FHIT: variants seen among roughly 807,000 people sequenced by gnomAD.
The protein encoded by FHIT is fragile histidine triad diadenosine triphosphatase.
In FHIT, 19 loss-of-function variants were observed where a neutral mutation model predicts 17.9. The ratio of observed to expected loss-of-function variants is 1.06; its 90% CI spans 0.74 to 1.56. The LOEUF is 1.56. FHIT is among the 40% of genes most tolerant of loss of function. The probability of loss-of-function intolerance (pLI) is 0.00; values close to 1 mark genes in which losing one functional copy is unlikely to be tolerated. For synonymous variants in FHIT, 81 were observed against 69.7 expected (o/e 1.16, Z -0.81); for missense variants, 248 against 189.2 (o/e 1.31, Z -1.82).
intron 5 of FHIT, among the ~76,000 whole-genome samples, chr3:60,146,317 T>C (rs1183066366): frequency 6.6e-6 from 1 of 151,512 alleles, no homozygotes; most frequent in East Asian, 1.9e-4. Flanking sequence ...CAACACGCTG[T>C]CAACCAGCTC....
At chr3:60,048,302 G>A (rs1032980902) in intron 5 of FHIT, among the ~76,000 whole-genome samples, 1 of 151,958 alleles carries the variant, frequency 6.6e-6, no homozygotes, top group Non-Finnish European at 1.5e-5. Context: ...TCAGCCTCCC[G>A]AGTAGCTGGG....
intron 5 of FHIT, among the ~76,000 whole-genome samples, chr3:60,123,999 TATATATATATAGAGAGAGAG>T (rs1705397007): frequency 1.3e-4 from 4 of 30,918 alleles, no homozygotes; most frequent in South Asian, 2.8e-3. Flanking sequence ...TATATATATA[TATATATATATAGAGAGAGAG>T]AGAGAGAGAG....
chr3:59,893,270 G>A lies in FHIT; in HGVS notation c.348+29076C>T, dbSNP rs556548396. Among the ~76,000 whole-genome samples the A allele has an allele frequency of 3.9e-5, 6 of 152,320 alleles. No individual in the cohort carries two copies. In the South Asian group the frequency reaches 1.2e-3, roughly 32 times the overall value. ...CAGCTTCAAGGTGTCAACTGGTGTTGCATCCCAGGCCCCATCTACCAGTAG... is the reference window on the plus strand; with the variant it reads ...CAGCTTCAAGGTGTCAACTGGTGTTACATCCCAGGCCCCATCTACCAGTAG... On this transcript the variant is annotated intron_variant, in intron 8 of 9. Coordinates refer to ENST00000492590, the MANE Select transcript of FHIT (RefSeq NM_002012.4).
At chr3:60,721,932 C>G (rs1421633020) in intron 4 of FHIT, among the ~76,000 whole-genome samples, 1 of 152,054 alleles carries the variant, frequency 6.6e-6, no homozygotes, top group Non-Finnish European at 1.5e-5. Flanking sequence ...CTTAATAGTT[C>G]AAATTAATTC....
chr3:60,130,789 G>GTGTGTGTGTGTGTA (rs1559660689), intron 5 of FHIT, among the ~76,000 whole-genome samples: 2 of 135,996 alleles, frequency 1.5e-5, no homozygotes, highest in Non-Finnish European at 3.3e-5. Context: ...TGTGTGGTGT[G>GTGTGTGTGTGTGTA]TATATACACA....
chr3:60,773,089 C>T (rs1553723584), intron 4 of FHIT, among the ~76,000 whole-genome samples: 1 of 152,162 alleles, frequency 6.6e-6, no homozygotes, highest in Non-Finnish European at 1.5e-5. Context: ...TCTTTCTTTA[C>T]TGCAATTCCA....
At chr3:60,421,017 A>G (rs1014485137) in intron 5 of FHIT, among the ~76,000 whole-genome samples, 6 of 142,622 alleles carry the variant, frequency 4.2e-5, no homozygotes, top group Admixed American at 2.2e-4. Context: ...AAGAACTAAG[A>G]TTTCTCCCAC....
intron 1 of FHIT, among the ~76,000 whole-genome samples, chr3:61,221,324 G>C (rs1268786431): frequency 6.6e-6 from 1 of 152,212 alleles, no homozygotes; most frequent in Non-Finnish European, 1.5e-5. Flanking sequence ...AATAGCACAG[G>C]TCCTCTCCCA....
intron 3 of FHIT, among the ~76,000 whole-genome samples, chr3:61,033,176 T>A (rs1443992688): frequency 2.6e-5 from 4 of 152,230 alleles, no homozygotes; most frequent in African/African-American, 9.6e-5. Flanking sequence ...ATAATGAGCA[T>A]ATCTCTTAGC....
chr3:60,044,276 T>A (rs1199937121), intron 5 of FHIT, among the ~76,000 whole-genome samples: 1 of 152,210 alleles, frequency 6.6e-6, no homozygotes, highest in Non-Finnish European at 1.5e-5. Flanking sequence ...TTTTGTGAAT[T>A]AAGACTCAAA....
At chr3:60,114,083 G>A (rs28704738) in intron 5 of FHIT, among the ~76,000 whole-genome samples, 2 of 93,860 alleles carry the variant, frequency 2.1e-5, no homozygotes, top group East Asian at 3.3e-4. Flanking sequence ...AATGTTATAT[G>A]TATCTTACCA....
intron 3 of FHIT, among the ~76,000 whole-genome samples, chr3:60,927,755 C>A (rs1374906584): frequency 6.6e-6 from 1 of 150,930 alleles, no homozygotes; most frequent in African/African-American, 2.4e-5. Flanking sequence ...GGCAGCCGCC[C>A]CGCCTGGGAG....
At chr3:60,181,253 C>T (rs1033310817) in intron 5 of FHIT, among the ~76,000 whole-genome samples, 1 of 149,250 alleles carries the variant, frequency 6.7e-6, no homozygotes, top group Non-Finnish European at 1.5e-5. Context: ...TCAAGCGATT[C>T]TCCCACCTCA....
chr3:61,246,302 G>T (rs1242487978), intron 1 of FHIT, among the ~76,000 whole-genome samples: 1 of 151,990 alleles, frequency 6.6e-6, no homozygotes, highest in Admixed American at 6.6e-5. Flanking sequence ...TTACTCTGTG[G>T]ACTTGCCCTG....
intron 8 of FHIT, among the ~76,000 whole-genome samples, chr3:59,883,052 A>T (rs1485618247): frequency 6.6e-6 from 1 of 152,258 alleles, no homozygotes; most frequent in East Asian, 1.9e-4. Flanking sequence ...TATAAGGAGG[A>T]TATAAGCAGT....
At chr3:61,243,517 A>T (rs530430575) in intron 1 of FHIT, among the ~76,000 whole-genome samples, 47 of 152,342 alleles carry the variant, frequency 3.1e-4, no homozygotes, top group Admixed American at 5.2e-4. Context: ...ACTTTATAAT[A>T]GGCAGCCTTT....
chr3:61,158,406 G>A (rs2037590429), intron 2 of FHIT, among the ~76,000 whole-genome samples: 1 of 152,068 alleles, frequency 6.6e-6, no homozygotes, highest in African/African-American at 2.4e-5. Context: ...AAAACCGCAG[G>A]CCACCAGAAG....
intron 4 of FHIT, among the ~76,000 whole-genome samples, chr3:60,567,835 A>G (rs2107655635): frequency 6.6e-6 from 1 of 152,362 alleles, no homozygotes; most frequent in Non-Finnish European, 1.5e-5. Context: ...ACATTTATGC[A>G]GCCAAAAGAC....
At chr3:60,195,892 C>T (rs572511240) in intron 5 of FHIT, among the ~76,000 whole-genome samples, 11 of 151,140 alleles carry the variant, frequency 7.3e-5, no homozygotes, top group Admixed American at 2.0e-4. Context: ...GTGGGAGGGG[C>T]GTGGGGGATT....
Sources: gnomAD v4.1 joint callset for allele counts (sites outside exome capture counted in the v4.1 genomes callset) on GRCh38, gnomAD v4.1.1 for gene constraint, MANE v1.5 for transcripts, NCBI Gene and HGNC (gene_info 2026-07-23, HGNC 2026-07-21) for gene names.